Variants in MED13L observed in about 807,000 individuals in gnomAD.
MED13L encodes the protein mediator complex subunit 13L, also known as mediator of RNA polymerase II transcription subunit 13-like.
A neutral mutation model predicts 220.9 loss-of-function variants in MED13L; 7 were observed. The observed-to-expected ratio is 0.03, with a 90% CI of 0.02 to 0.06. The LOEUF (loss-of-function observed/expected upper bound fraction) is 0.06, where lower values mean the gene tolerates loss of function less well. Among genes scored for constraint, MED13L ranks in the 10% least tolerant of loss-of-function variants. MED13L has a pLI of 1.00. For missense variants in MED13L, 1,965 were observed against 2,760.5 expected (o/e 0.71, Z 6.46); for synonymous variants, 1,011 against 1,015.2 (o/e 1.00, Z 0.08).
intron 1 of MED13L, among the ~76,000 whole-genome samples, chr12:116,270,616 A>T (rs1182639022): frequency 6.6e-6 from 1 of 152,210 alleles, no homozygotes; most frequent in South Asian, 2.1e-4. Context: ...TGAATTTACA[A>T]TTCGTTTATG....
intron 5 of MED13L, among the ~76,000 whole-genome samples, chr12:116,021,153 A>G (rs1337401007): frequency 1.3e-5 from 2 of 152,184 alleles, no homozygotes; most frequent in Non-Finnish European, 2.9e-5. Context: ...CCAATCATGG[A>G]AAATAAGCAG....
intron 4 of MED13L, among the ~76,000 whole-genome samples, chr12:116,050,700 G>A (rs934772819): frequency 1.3e-5 from 2 of 152,178 alleles, no homozygotes; most frequent in African/African-American, 4.8e-5. Context: ...ACTTTGGGAG[G>A]CCAAGGAGGG....
At chr12:116,067,058 T>C (rs1210184723) in intron 4 of MED13L, among the ~76,000 whole-genome samples, 1 of 151,938 alleles carries the variant, frequency 6.6e-6, no homozygotes, top group East Asian at 1.9e-4. Context: ...GAGGACAAAG[T>C]GAACCCTGCA....
At chr12:116,054,199 CACACACACACACAA>C (rs1868749036) in intron 4 of MED13L, among the ~76,000 whole-genome samples, 2 of 148,236 alleles carry the variant, frequency 1.3e-5, no homozygotes, top group South Asian at 4.3e-4. Context: ...CTATTACACA[CACACACACACACAA>C]ACACACACAC....
chr12:115,986,120 G>A (rs1877672341), intron 19 of MED13L, 146 bp downstream of exon 19: 5 of 808,268 alleles, frequency 6.2e-6, no homozygotes, highest in Non-Finnish European at 1.0e-5. Context: ...AGAAAAATTG[G>A]CCAATTCAAT....
chr12:116,161,987 T>C (rs1246379939), intron 2 of MED13L, among the ~76,000 whole-genome samples: 1 of 152,150 alleles, frequency 6.6e-6, no homozygotes, highest in Non-Finnish European at 1.5e-5. Flanking sequence ...CGATCTTGTA[T>C]AACTGACAAT....
At position 115,959,814 on chromosome 12, in the gene MED13L, A is replaced by G. The variant is rs1353695056; in HGVS notation, c.*1452T>C. Reference sequence around the variant, plus strand: ...TCAAGAAAAATACTTTTACAAAATCATATCAATTATTACATTTTTCCTTTT... The same window carrying G: ...TCAAGAAAAATACTTTTACAAAATCGTATCAATTATTACATTTTTCCTTTT... On this transcript the variant is annotated 3_prime_UTR_variant, in exon 31 of 31. Transcript: ENST00000281928. 1 of 152,622 alleles carries G rather than the reference A, an allele frequency of 6.6e-6. No individual in the cohort carries two copies. Among genetic ancestry groups the G allele is most frequent in the African/African-American group, 2.4e-5 (1 of 41,452 alleles). The allele number at this position is 152,622 out of a possible 1,614,324, so 9.5% of individuals were successfully genotyped here.
At position 115,970,544 on chromosome 12, in the gene MED13L, G is replaced by A. The variant is rs1303248288; in HGVS notation, c.6067+50C>T. 2.5e-6 allele frequency: 4 copies of A among 1,583,088 alleles called. No individual in the cohort carries two copies. In the African/African-American group the frequency reaches 4.0e-5, roughly 16 times the overall value. ...GGCAGCCCAGTGATTCCATACTCCG[G>A]CTCTGCCCTGCATGAAGGTGAGCAC... On this transcript the variant is annotated intron_variant, in intron 27 of 30. Coordinates refer to ENST00000281928, the MANE Select transcript of MED13L (RefSeq NM_015335.5).
intron 2 of MED13L, among the ~76,000 whole-genome samples, chr12:116,229,611 C>A (rs1869351893): frequency 1.3e-5 from 2 of 152,126 alleles, no homozygotes; most frequent in Non-Finnish European, 2.9e-5. Context: ...TAGACTTTAG[C>A]TTGTTCTCTC....
At chr12:116,064,411 T>C (rs572416829) in intron 4 of MED13L, among the ~76,000 whole-genome samples, 1 of 152,324 alleles carries the variant, frequency 6.6e-6, no homozygotes, top group Admixed American at 6.5e-5. Context: ...TGTGGTTGGT[T>C]GAATCCTTGG....
At chr12:116,022,113 GA>G (rs1324216936) in intron 5 of MED13L, among the ~76,000 whole-genome samples, 1 of 152,070 alleles carries the variant, frequency 6.6e-6, no homozygotes, top group African/African-American at 2.4e-5. Flanking sequence ...ACACAACAAT[GA>G]AAACCTTTAA....
intron 1 of MED13L, among the ~76,000 whole-genome samples, chr12:116,251,048 A>T (rs1462577898): frequency 1.3e-5 from 2 of 151,712 alleles, no homozygotes; most frequent in African/African-American, 2.4e-5. Context: ...TAAAAAGTAA[A>T]GGAAAGAGGT....
intron 25 of MED13L, among the ~76,000 whole-genome samples, chr12:115,973,942 T>C (rs894208018): frequency 6.6e-6 from 1 of 152,186 alleles, no homozygotes; most frequent in African/African-American, 2.4e-5. Flanking sequence ...ACCTGCATTG[T>C]AGGAAGCGAG....
At chr12:116,260,042 T>C (rs996942330) in intron 1 of MED13L, among the ~76,000 whole-genome samples, 6 of 152,218 alleles carry the variant, frequency 3.9e-5, no homozygotes, top group African/African-American at 9.6e-5. Context: ...TCTGATCTAA[T>C]GGAGCGGCTG....
chr12:115,991,366 A>C lies in MED13L; in HGVS notation c.3588T>G (p.Ala1196=). ...GACACATCATTAAGCGCCTCTCTGC[A>C]GCCTGACCAATATCAGAATTCTTCC... ...IFGKNSDIGQ[A]AERRLMMCQS... The change falls in exon 17 of 31, where the codon GCT becomes GCG. Residue 1196 remains alanine (A), a synonymous_variant. Coordinates refer to ENST00000281928, the MANE Select transcript of MED13L (RefSeq NM_015335.5). This position sits in a 1 kb window ranked among gnomAD's most constrained non-coding sequence, Gnocchi z 7.7. 1 of 1,614,032 alleles carries C rather than the reference A, an allele frequency of 6.2e-7. No individual in the cohort carries two copies.
Position 115,963,418 on chromosome 12 carries a change from C to T in MED13L, c.6489G>A (p.Ser2163=), listed in dbSNP as rs140228421. The change falls in exon 30 of 31, where the codon TCG becomes TCA. Residue 2163 remains serine (S), a synonymous_variant. Coordinates refer to ENST00000281928, the MANE Select transcript of MED13L (RefSeq NM_015335.5). The part of the protein sequence containing the change: ...VPHPLDSKTT[S]DVLRFVLEQY... ...AGGTTGGTATCTACCTTAAAACATC[C>T]GACGTGGTTTTGGAGTCAAGAGGGT... 5.7e-5 allele frequency: 92 copies of T among 1,611,354 alleles called. No individual in the cohort carries two copies. The highest frequency in any genetic ancestry group is 7.2e-5 in the Non-Finnish European group (85 of 1,177,608).
intron 4 of MED13L, among the ~76,000 whole-genome samples, chr12:116,028,427 T>G (rs1407999551): frequency 1.3e-5 from 2 of 152,192 alleles, no homozygotes; most frequent in Non-Finnish European, 2.9e-5. Flanking sequence ...ATTATTAAGG[T>G]CAACCTCTTT....
chr12:116,145,401 A>T (rs1877394770), intron 2 of MED13L, among the ~76,000 whole-genome samples: 1 of 152,198 alleles, frequency 6.6e-6, no homozygotes, highest in Non-Finnish European at 1.5e-5. Flanking sequence ...CTCATCTAAA[A>T]AGTACCTTCC....
intron 2 of MED13L, among the ~76,000 whole-genome samples, chr12:116,173,224 ACTC>A (rs1387873960): frequency 3.3e-5 from 5 of 152,056 alleles, no homozygotes; most frequent in African/African-American, 1.2e-4. Flanking sequence ...TCAATCAAAA[ACTC>A]CTTTCTCATG....
Sources: gnomAD v4.1 joint callset for allele counts (sites outside exome capture counted in the v4.1 genomes callset) on GRCh38, gnomAD v4.1.1 for gene constraint, Gnocchi (gnomAD v3.1) non-coding constraint, MANE v1.5 for transcripts, NCBI Gene and HGNC (gene_info 2026-07-23, HGNC 2026-07-21) for gene names.